NRCAM: variants seen among roughly 807,000 people sequenced by gnomAD.
The protein encoded by NRCAM is neuronal cell adhesion molecule.
A neutral mutation model predicts 156.5 loss-of-function variants in NRCAM; 83 were observed. The observed-to-expected ratio is 0.53, with a 90% CI of 0.44 to 0.64. NRCAM has a LOEUF of 0.64. Ranked by LOEUF, NRCAM falls within the 30% of genes least tolerant of loss-of-function variation. The pLI, the probability that NRCAM is intolerant of heterozygous loss-of-function variation, is 0.00. For synonymous variants in NRCAM, 538 were observed against 563.9 expected, an observed-to-expected ratio of 0.95 and a Z score of 0.65; for missense variants, 1,417 against 1,597.3, an observed-to-expected ratio of 0.89 and a Z score of 1.92.
At chr7:108,262,741 A>G (rs914191142) in intron 3 of NRCAM, among the ~76,000 whole-genome samples, 3 of 152,142 alleles carry the variant, frequency 2.0e-5, no homozygotes, top group Non-Finnish European at 2.9e-5. Flanking sequence ...TCTCCTTTGG[A>G]AAACAAGGTG....
chr7:108,321,129 T>C (rs2098996397), intron 2 of NRCAM, among the ~76,000 whole-genome samples: 1 of 152,362 alleles, frequency 6.6e-6, no homozygotes, highest in Middle Eastern at 3.4e-3. Context: ...CACTGTCATT[T>C]ATACAATTAA....
chr7:108,273,741 G>C (rs747546447), intron 3 of NRCAM, among the ~76,000 whole-genome samples: 12 of 152,128 alleles, frequency 7.9e-5, no homozygotes, highest in Non-Finnish European at 1.0e-4. Context: ...AAGCTCTTTA[G>C]TTTAATTAGA....
intron 1 of NRCAM, among the ~76,000 whole-genome samples, chr7:108,408,993 G>A (rs968606591): frequency 1.3e-5 from 2 of 152,262 alleles, no homozygotes; most frequent in African/African-American, 4.8e-5. Context: ...CTTAAGCTGG[G>A]GAACGAGGGG....
intron 22 of NRCAM, among the ~76,000 whole-genome samples, chr7:108,183,538 C>CT (rs748524375): frequency 0.013 from 1,843 of 145,184 alleles, 47 homozygotes; most frequent in African/African-American, 0.039. Context: ...CCAGGTGGCT[C>CT]TTTTTTTTTC....
chr7:108,243,881 C>T (rs2095710960), intron 3 of NRCAM, among the ~76,000 whole-genome samples: 1 of 152,162 alleles, frequency 6.6e-6, no homozygotes, highest in South Asian at 2.1e-4. Flanking sequence ...AACTTTTCAT[C>T]ATTGAAAAGA....
At chr7:108,225,886 T>C (rs1562826339) in intron 9 of NRCAM, among the ~76,000 whole-genome samples, 185 bp from the exon 10 acceptor site, 1 of 152,206 alleles carries the variant, frequency 6.6e-6, no homozygotes, top group Non-Finnish European at 1.5e-5. Flanking sequence ...ACCAGGAATA[T>C]GCAGACATTT....
intron 1 of NRCAM, among the ~76,000 whole-genome samples, chr7:108,406,873 A>C (rs1338457844): frequency 2.0e-5 from 3 of 152,220 alleles, no homozygotes; most frequent in Non-Finnish European, 4.4e-5. Flanking sequence ...GGTAATGCAT[A>C]CTAGTATGAA....
At chr7:108,413,758 T>A (rs939834879) in intron 1 of NRCAM, among the ~76,000 whole-genome samples, 2 of 152,230 alleles carry the variant, frequency 1.3e-5, no homozygotes, top group South Asian at 2.1e-4. Flanking sequence ...ATCCAGCCAA[T>A]AGAAATTCAT....
At chr7:108,193,603 T>C (rs1296274428) in intron 17 of NRCAM, among the ~76,000 whole-genome samples, 1 of 152,228 alleles carries the variant, frequency 6.6e-6, no homozygotes, top group East Asian at 1.9e-4. Context: ...AAAAACTCCC[T>C]ATCCAAATAA....
chr7:108,314,912 T>TTTGA (rs1489956073), intron 2 of NRCAM, among the ~76,000 whole-genome samples: 1 of 152,184 alleles, frequency 6.6e-6, no homozygotes, highest in Non-Finnish European at 1.5e-5. Context: ...ATGTTTACTC[T>TTTGA]TTGATTCTTG....
At chr7:108,176,139 A>G (rs399849) in intron 27 of NRCAM, among the ~76,000 whole-genome samples, 112,866 of 152,004 alleles carry the variant, frequency 0.74, 42,948 homozygotes, top group East Asian at 0.99. Context: ...AGTTGTAAAC[A>G]GGAAACAACA....
chr7:108,150,718 CATTAAAAGGATGCAGAAGA>C (rs2040949025), intron 32 of NRCAM: 1 of 533,738 alleles, frequency 1.9e-6, no homozygotes, highest in South Asian at 1.4e-5. Flanking sequence ...TACAAAATTC[CATTAAAAGGATGCAGAAGA>C]AACAAATGAA....
intron 32 of NRCAM, among the ~76,000 whole-genome samples, chr7:108,158,288 T>C (rs1166024717): frequency 2.0e-5 from 3 of 152,098 alleles, no homozygotes; most frequent in African/African-American, 4.8e-5. Context: ...ACCATAGTTA[T>C]CTCTCTTTAA....
At chr7:108,168,033 T>C (rs2055883372) in intron 29 of NRCAM, among the ~76,000 whole-genome samples, 2 of 152,224 alleles carry the variant, frequency 1.3e-5, no homozygotes, top group South Asian at 2.1e-4. Flanking sequence ...TACTATGATA[T>C]GAAAATAACA....
intron 2 of NRCAM, among the ~76,000 whole-genome samples, chr7:108,337,264 G>GAAA (rs36065099): frequency 1.6e-5 from 2 of 124,800 alleles, no homozygotes; most frequent in Admixed American, 8.0e-5. Context: ...CTTCATCTCA[G>GAAA]AAAAAAAAAA....
intron 28 of NRCAM, among the ~76,000 whole-genome samples, chr7:108,173,615 C>T (rs1240877659): frequency 6.6e-6 from 1 of 152,180 alleles, no homozygotes; most frequent in African/African-American, 2.4e-5. Flanking sequence ...TACTTAACTA[C>T]TGCTATACTA....
At chr7:108,168,167 G>T in intron 29 of NRCAM, 110 bp downstream of exon 29, 2 of 1,139,186 alleles carry the variant, frequency 1.8e-6, no homozygotes, top group Non-Finnish European at 2.3e-6. Flanking sequence ...TCATTTAATT[G>T]GATCAAGTTA....
intron 3 of NRCAM, among the ~76,000 whole-genome samples, chr7:108,309,914 T>C (rs1370489523): frequency 6.6e-6 from 1 of 152,186 alleles, no homozygotes. Flanking sequence ...ATTAGGATTT[T>C]GTAATAAAAT....
chr7:108,300,488 A>T (rs1438168755), intron 3 of NRCAM, among the ~76,000 whole-genome samples: 1 of 152,188 alleles, frequency 6.6e-6, no homozygotes, highest in African/African-American at 2.4e-5. Flanking sequence ...AGAGAAATGC[A>T]TCCCTGGGTA....
Sources: allele counts gnomAD v4.1 joint callset (sites outside exome capture counted in the v4.1 genomes callset), GRCh38; gene constraint gnomAD v4.1.1; transcripts MANE v1.5; gene names NCBI Gene and HGNC (gene_info 2026-07-23, HGNC 2026-07-21).